The following SRGAP1 variants were observed in gnomAD, a reference collection of about 807,000 sequenced individuals.
SRGAP1 encodes the protein SLIT-ROBO Rho GTPase-activating protein 1.
Under a neutral mutation model 121.9 loss-of-function variants are expected in SRGAP1, and 43 were observed. The ratio of observed to expected loss-of-function variants is 0.35; its 90% CI spans 0.28 to 0.46. The LOEUF (loss-of-function observed/expected upper bound fraction) is 0.46. Ranked by LOEUF, SRGAP1 falls within the 20% of genes least tolerant of loss-of-function variation. The pLI is 1.00. For synonymous variants in SRGAP1, 447 were observed against 485.4 expected, an observed-to-expected ratio of 0.92 and a Z score of 1.04; for missense variants, 1,102 against 1,350.9, an observed-to-expected ratio of 0.82 and a Z score of 2.89.
chr12:63,891,030 CCTT>C (rs1297857182), intron 1 of SRGAP1, among the ~76,000 whole-genome samples: 1 of 152,226 alleles, frequency 6.6e-6, no homozygotes, highest in African/African-American at 2.4e-5. Flanking sequence ...ATTCTAGACA[CCTT>C]CTTTTTATTC....
chr12:63,901,177 T>C (rs940513847), intron 1 of SRGAP1, among the ~76,000 whole-genome samples: 1 of 152,198 alleles, frequency 6.6e-6, no homozygotes, highest in African/African-American at 2.4e-5. Flanking sequence ...AGAAACCTCA[T>C]AGTTGCTCTT....
chr12:64,039,560 A>T lies in SRGAP1; in HGVS notation c.490-3230A>T, dbSNP rs562434674. Among the ~76,000 whole-genome samples the T allele has an allele frequency of 4.6e-5, 7 of 151,774 alleles. No homozygotes were observed. In the South Asian group the frequency reaches 1.5e-3, roughly 32 times the overall value. On this transcript the variant is annotated intron_variant, in intron 4 of 21. Transcript: ENST00000355086. ...GGTGGCCTGAGGTGCCTTTTCATCC[A>T]AGTGTAATGAGAGTCACATGTTCTC...
chr12:64,156,974 TG>T lies in SRGAP1; in HGVS notation c.*14305del. 6.6e-6 allele frequency: 1 copy of T among 152,244 alleles called. No individual in the cohort carries two copies. The highest frequency in any genetic ancestry group is 1.5e-5 in the Non-Finnish European group (1 of 68,034). 9.4% of individuals were successfully genotyped at this position (152,244 alleles called of 1,614,324 possible). On this transcript the variant is annotated 3_prime_UTR_variant, in exon 22 of 22. Transcript: ENST00000355086. ...AGCTAGGCCTGCACTGCTCATGCTT[TG>T]GGACCAGAAAGCGGATGGTTTGATA...
intron 6 of SRGAP1, among the ~76,000 whole-genome samples, chr12:64,052,555 CAA>C (rs548163366): frequency 7.5e-6 from 1 of 132,522 alleles, no homozygotes; most frequent in Admixed American, 7.7e-5. Context: ...AAGTCAGTCT[CAA>C]AAAAAAAAAC....
At position 64,091,322 on chromosome 12, in the gene SRGAP1, C is replaced by T; in HGVS notation, c.1483C>T (p.Pro495Ser). 6.2e-7 allele frequency: 1 copy of T among 1,611,042 alleles called. No homozygotes were observed. Among genetic ancestry groups the T allele is most frequent in the South Asian group, 1.1e-5 (1 of 90,354 alleles). The change falls in exon 12 of 22, where the codon CCC (proline) becomes TCC (serine). Residue 495 changes from proline (P) to serine (S), a missense_variant. Pro to Ser is a moderately conservative substitution (Grantham distance 74, BLOSUM62 -1). This residue lies in a region of SRGAP1 where 747 missense variants were observed against 929.4 expected (regional missense o/e 0.80). Coordinates refer to ENST00000355086, the MANE Select transcript of SRGAP1 (RefSeq NM_020762.4). ...GCCCCAGAAACACAGGAAGTCCAGG[C>T]CCCGCTCACAGTATAATACTAAGTT... The part of the protein sequence containing the change: ...PKPQKHRKSR[P>S]RSQYNTKLFN...
chr12:63,914,204 CGGTTTAT>C (rs1408151970), intron 1 of SRGAP1, among the ~76,000 whole-genome samples: 2 of 152,172 alleles, frequency 1.3e-5, no homozygotes, highest in Non-Finnish European at 2.9e-5. Flanking sequence ...CTGTAATTAA[CGGTTTAT>C]GGTTCTGTTT....
chr12:63,928,947 A>G (rs2031362484), intron 1 of SRGAP1, among the ~76,000 whole-genome samples: 1 of 152,224 alleles, frequency 6.6e-6, no homozygotes, highest in African/African-American at 2.4e-5. Context: ...AGGCAGTAAC[A>G]TAAGCAATGG....
intron 1 of SRGAP1, among the ~76,000 whole-genome samples, chr12:63,917,554 A>G (rs1315008529): frequency 6.6e-6 from 1 of 152,122 alleles, no homozygotes; most frequent in African/African-American, 2.4e-5. Context: ...TGGGCTTCAC[A>G]GCAGCGAAGG....
intron 10 of SRGAP1, among the ~76,000 whole-genome samples, chr12:64,085,147 C>T (rs1052005671): frequency 3.9e-5 from 6 of 152,072 alleles, no homozygotes; most frequent in African/African-American, 1.5e-4. Flanking sequence ...CACACCCACC[C>T]CATACTAATA....
At chr12:63,859,564 TTACC>T (rs1899375208) in intron 1 of SRGAP1, among the ~76,000 whole-genome samples, 1 of 152,224 alleles carries the variant, frequency 6.6e-6, no homozygotes, top group Non-Finnish European at 1.5e-5. Flanking sequence ...TTATTGTTCT[TTACC>T]TATTTTCTTA....
At chr12:63,853,021 A>C (rs1899125364) in intron 1 of SRGAP1, among the ~76,000 whole-genome samples, 1 of 150,958 alleles carries the variant, frequency 6.6e-6, no homozygotes, top group Non-Finnish European at 1.5e-5. Flanking sequence ...ATTACCGCAA[A>C]ATTTTTTTTT....
chr12:63,886,481 C>T (rs1195919084), intron 1 of SRGAP1, among the ~76,000 whole-genome samples: 3 of 148,816 alleles, frequency 2.0e-5, no homozygotes, highest in Non-Finnish European at 2.9e-5. Flanking sequence ...ATTTTATGTA[C>T]TTATTTATTT....
chr12:64,063,645 A>G lies in SRGAP1; in HGVS notation c.1023+507A>G, dbSNP rs76334835. Among the ~76,000 whole-genome samples, 364 of 147,278 alleles carry G rather than the reference A, an allele frequency of 2.5e-3. 12 individuals carry two copies. The East Asian group carries it at 0.072, about 29-fold the overall frequency. On this transcript the variant is annotated intron_variant, in intron 7 of 21. Coordinates refer to ENST00000355086, the MANE Select transcript of SRGAP1 (RefSeq NM_020762.4). Reference sequence around the variant, plus strand: ...ATCCTTTATATAAATTCAGCTTTCTATGTTATTTTACCAAAAAAAATGCAT... The same window carrying G: ...ATCCTTTATATAAATTCAGCTTTCTGTGTTATTTTACCAAAAAAAATGCAT...
At chr12:63,921,016 T>G (rs904479707) in intron 1 of SRGAP1, among the ~76,000 whole-genome samples, 1 of 152,216 alleles carries the variant, frequency 6.6e-6, no homozygotes, top group African/African-American at 2.4e-5. Context: ...AATGCTTTTT[T>G]GTCCCACCCT....
At chr12:63,990,631 A>G (rs905425543) in intron 3 of SRGAP1, among the ~76,000 whole-genome samples, 3 of 152,260 alleles carry the variant, frequency 2.0e-5, no homozygotes, top group African/African-American at 7.2e-5. Flanking sequence ...GTTATAAGTC[A>G]GTGAATCTAT....
chr12:64,010,215 C>G (rs1297975684), intron 3 of SRGAP1, among the ~76,000 whole-genome samples: 1 of 152,136 alleles, frequency 6.6e-6, no homozygotes, highest in East Asian at 1.9e-4. Context: ...AGCATACAGT[C>G]TGGGTTTCTT....
chr12:63,875,183 G>A (rs1313810151), intron 1 of SRGAP1, among the ~76,000 whole-genome samples: 1 of 152,114 alleles, frequency 6.6e-6, no homozygotes, highest in Non-Finnish European at 1.5e-5. Context: ...CAAAGTGTTG[G>A]ATATTACAGT....
At chr12:64,054,538 T>C (rs1417634384) in intron 6 of SRGAP1, among the ~76,000 whole-genome samples, 1 of 152,172 alleles carries the variant, frequency 6.6e-6, no homozygotes, top group Non-Finnish European at 1.5e-5. Flanking sequence ...ATTGTAGTAC[T>C]GTATTCCCCA....
At chr12:63,942,863 C>T (rs531479810) in intron 1 of SRGAP1, among the ~76,000 whole-genome samples, 1 of 152,146 alleles carries the variant, frequency 6.6e-6, no homozygotes, top group Non-Finnish European at 1.5e-5. Flanking sequence ...TAAAAGTGCT[C>T]ACTAAATATA....
Sources: allele counts gnomAD v4.1 joint callset (sites outside exome capture counted in the v4.1 genomes callset), GRCh38; gene constraint gnomAD v4.1.1; regional missense constraint gnomAD v4.1.1; transcripts MANE v1.5; gene names NCBI Gene and HGNC (gene_info 2026-07-23, HGNC 2026-07-21).